Variants in CNTN5 observed in about 807,000 individuals in gnomAD.
CNTN5 encodes the protein contactin-5.
Under a neutral mutation model 129.1 loss-of-function variants are expected in CNTN5, and 77 were observed. The ratio of observed to expected loss-of-function variants is 0.60; its 90% CI spans 0.50 to 0.72. The LOEUF (loss-of-function observed/expected upper bound fraction) is 0.72, where lower values mean the gene tolerates loss of function less well. CNTN5 is among the 30% of genes least tolerant of loss of function. The probability of loss-of-function intolerance (pLI) is 0.00; values close to 1 mark genes in which losing one functional copy is unlikely to be tolerated. For synonymous variants in CNTN5, 509 were observed against 465.6 expected (o/e 1.09, Z -1.20); for missense variants, 1,478 against 1,328.8 (o/e 1.11, Z -1.75).
Position 99,738,291 on chromosome 11 carries a change from G to GGA in CNTN5, c.56-81251_56-81250dup, listed in dbSNP as rs1334708810. Among the ~76,000 whole-genome samples, 3 of 152,288 alleles carry GGA rather than the reference G, an allele frequency of 2.0e-5. No homozygotes were observed. In the East Asian group the frequency reaches 5.8e-4, roughly 29 times the overall value. ...AAGTTTGGATACTCAGACACAGTGA[G>GGA]GAGGTGGCCACCCACAAGCTAAGCA... On this transcript the variant is annotated intron_variant, in intron 3 of 24. Coordinates refer to ENST00000524871, the MANE Select transcript of CNTN5 (RefSeq NM_014361.4).
intron 2 of CNTN5, among the ~76,000 whole-genome samples, chr11:99,523,649 TAGAACAGAACAGATCAGAACAGAAC>T (rs1947363178): frequency 1.7e-5 from 2 of 116,448 alleles, no homozygotes; most frequent in African/African-American, 7.1e-5. Context: ...TAGAATAGAA[TAGAACAGAACAGATCAGAACAGAAC>T]AGAACAGAAC....
At chr11:99,313,732 A>C (rs1865215264) in intron 1 of CNTN5, among the ~76,000 whole-genome samples, 1 of 152,140 alleles carries the variant, frequency 6.6e-6, no homozygotes, top group East Asian at 1.9e-4. Flanking sequence ...AATTCTATTT[A>C]ACAAACTCCA....
chr11:99,594,855 T>C (rs1336865230), intron 3 of CNTN5, among the ~76,000 whole-genome samples: 1 of 152,220 alleles, frequency 6.6e-6, no homozygotes, highest in African/African-American at 2.4e-5. Context: ...CACTTTCTAG[T>C]TGATTTTTGA....
At chr11:99,875,556 G>A (rs547871904) in intron 6 of CNTN5, among the ~76,000 whole-genome samples, 3 of 152,178 alleles carry the variant, frequency 2.0e-5, no homozygotes, top group African/African-American at 7.2e-5. Flanking sequence ...TACATTCGTA[G>A]TTCTGTGTGC....
chr11:99,900,590 C>G (rs1042436771), intron 6 of CNTN5, among the ~76,000 whole-genome samples: 3 of 151,356 alleles, frequency 2.0e-5, no homozygotes, highest in African/African-American at 7.3e-5. Context: ...TTAACATGAT[C>G]TTTTTTGTTT....
rs541260514 is a variant in CNTN5, at chr11:99,300,073, T to G, written c.-209-25273T>G. Among the ~76,000 whole-genome samples the G allele has an allele frequency of 2.0e-5, 3 of 152,226 alleles. No homozygotes were observed. The East Asian group carries it at 5.8e-4, about 29-fold the overall frequency. On this transcript the variant is annotated intron_variant, in intron 1 of 24. Coordinates refer to ENST00000524871, the MANE Select transcript of CNTN5 (RefSeq NM_014361.4). ...CCAACATTTGTTATTTTTTGACTTT[T>G]TAATAATAGTTATTCTGACAGGTTG...
At chr11:99,022,422 A>ATGAT (rs1317330641) in intron 1 of CNTN5, among the ~76,000 whole-genome samples, 2 of 152,188 alleles carry the variant, frequency 1.3e-5, no homozygotes, top group African/African-American at 4.8e-5. Flanking sequence ...TTAAAAAATA[A>ATGAT]TGATTAGGTC....
intron 6 of CNTN5, among the ~76,000 whole-genome samples, chr11:99,894,515 C>CAAAAAAAAAAAAAAAAAAAAAAAAAAA (rs202067813): frequency 3.7e-5 from 4 of 107,482 alleles, no homozygotes; most frequent in East Asian, 2.9e-4. Flanking sequence ...GTACCAGCAG[C>CAAAAAAAAAAAAAAAAAAAAAAAAAAA]AAAAAAAAAA....
chr11:99,521,998 T>G (rs1947292888), intron 2 of CNTN5, among the ~76,000 whole-genome samples: 1 of 152,062 alleles, frequency 6.6e-6, no homozygotes, highest in East Asian at 1.9e-4. Flanking sequence ...ATTTAAAGCT[T>G]GGGTAATAAA....
chr11:99,872,559 AG>A (rs1324775935), intron 6 of CNTN5, among the ~76,000 whole-genome samples: 2 of 152,136 alleles, frequency 1.3e-5, no homozygotes, highest in Admixed American at 6.6e-5. Context: ...AGAAAAGAAA[AG>A]TCCTGCCACC....
At chr11:99,593,937 G>T (rs1246742615) in intron 3 of CNTN5, among the ~76,000 whole-genome samples, 1 of 152,166 alleles carries the variant, frequency 6.6e-6, no homozygotes, top group Admixed American at 6.5e-5. Flanking sequence ...TTTGTCAGAG[G>T]TCAACAGCGT....
At chr11:99,897,353 T>C (rs967936651) in intron 6 of CNTN5, among the ~76,000 whole-genome samples, 3 of 152,136 alleles carry the variant, frequency 2.0e-5, no homozygotes, top group Non-Finnish European at 2.9e-5. Flanking sequence ...GTTACTAGAC[T>C]ATCCAAGGTT....
intron 21 of CNTN5, among the ~76,000 whole-genome samples, chr11:100,321,240 T>C (rs571394555): frequency 3.3e-5 from 5 of 151,952 alleles, no homozygotes; most frequent in Non-Finnish European, 7.4e-5. Context: ...CAATGTTTTA[T>C]AGTGTTTAAT....
chr11:100,186,146 G>T (rs562970383), intron 13 of CNTN5, among the ~76,000 whole-genome samples: 4 of 152,086 alleles, frequency 2.6e-5, no homozygotes, highest in Non-Finnish European at 5.9e-5. Flanking sequence ...CATTCTTTGA[G>T]TCTAGGAGTT....
chr11:99,528,694 C>T (rs1048376587), intron 2 of CNTN5, among the ~76,000 whole-genome samples: 19 of 152,194 alleles, frequency 1.2e-4, no homozygotes, highest in African/African-American at 4.3e-4. Context: ...CTGAAAGCTT[C>T]AGGACTTAGA....
At chr11:99,857,079 CCT>C (rs1231189157) in intron 6 of CNTN5, among the ~76,000 whole-genome samples, 1 of 146,720 alleles carries the variant, frequency 6.8e-6, no homozygotes, top group Non-Finnish European at 1.5e-5. Context: ...TCCCTCTCTT[CCT>C]CTCTCTCTGT....
At chr11:99,063,655 A>G (rs1864980807) in intron 1 of CNTN5, among the ~76,000 whole-genome samples, 1 of 152,168 alleles carries the variant, frequency 6.6e-6, no homozygotes. Flanking sequence ...AAAAGCAAAC[A>G]TGTCTCCTCC....
intron 3 of CNTN5, among the ~76,000 whole-genome samples, chr11:99,625,968 A>G (rs1053457795): frequency 2.0e-5 from 3 of 151,804 alleles, no homozygotes; most frequent in Admixed American, 1.3e-4. Flanking sequence ...ATTTAGGATT[A>G]ATATGTATTC....
At chr11:99,786,125 T>C (rs1202873862) in intron 3 of CNTN5, among the ~76,000 whole-genome samples, 1 of 151,984 alleles carries the variant, frequency 6.6e-6, no homozygotes, top group Non-Finnish European at 1.5e-5. Context: ...CAGCCCCAAA[T>C]CTCCTTAAGC....
Sources: gnomAD v4.1 joint callset for allele counts (sites outside exome capture counted in the v4.1 genomes callset) on GRCh38, gnomAD v4.1.1 for gene constraint, MANE v1.5 for transcripts, NCBI Gene and HGNC (gene_info 2026-07-23, HGNC 2026-07-21) for gene names.